The following NFIB variants were observed in gnomAD, a reference collection of about 807,000 sequenced individuals.
The protein encoded by NFIB is nuclear factor 1 B-type.
A neutral mutation model predicts 61.5 loss-of-function variants in NFIB; 11 were observed. The ratio of observed to expected loss-of-function variants is 0.18; its 90% CI spans 0.11 to 0.30. The LOEUF is 0.30. Among genes scored for constraint, NFIB ranks in the 10% least tolerant of loss-of-function variants. The pLI is 1.00. For synonymous variants in NFIB, 260 were observed against 216.5 expected (o/e 1.20, Z -1.76); for missense variants, 471 against 608.9 (o/e 0.77, Z 2.38).
chr9:14,476,179 T>C, the NFIB span, among the ~76,000 whole-genome samples: 2 of 152,154 alleles, frequency 1.3e-5, no homozygotes, highest in Admixed American at 6.5e-5. Context: ...GAAAAATATT[T>C]TTTTTTCTGA....
At chr9:14,511,053 T>G in the NFIB span, among the ~76,000 whole-genome samples, 1 of 152,198 alleles carries the variant, frequency 6.6e-6, no homozygotes, top group East Asian at 1.9e-4. Context: ...CTAAAAGATT[T>G]GCCAATTTTG....
chr9:14,454,997 A>G, the NFIB span, among the ~76,000 whole-genome samples: 34 of 152,232 alleles, frequency 2.2e-4, no homozygotes, highest in African/African-American at 7.5e-4. Flanking sequence ...TAGGTATGTA[A>G]TATGAGCAAA....
chr9:14,356,379 T>A (rs1160883121), intron 1 of NFIB, among the ~76,000 whole-genome samples: 1 of 152,112 alleles, frequency 6.6e-6, no homozygotes, highest in Non-Finnish European at 1.5e-5. Context: ...GATTTCACAA[T>A]AAGAATATCT....
chr9:14,317,482 G>C (rs1368211902), upstream of NFIB: 1 of 152,164 alleles, frequency 6.6e-6, no homozygotes, highest in East Asian at 1.9e-4. Context: ...ATGCTTGATA[G>C]TTTTTGGTTT....
At chr9:14,445,825 A>G in the NFIB span, among the ~76,000 whole-genome samples, 107 of 152,224 alleles carry the variant, frequency 7.0e-4, no homozygotes, top group Non-Finnish European at 1.1e-3. Flanking sequence ...TCATTTACAT[A>G]TTTGTCACTT....
chr9:14,211,568 C>G (rs1411274774), intron 2 of NFIB, among the ~76,000 whole-genome samples: 1 of 152,238 alleles, frequency 6.6e-6, no homozygotes, highest in African/African-American at 2.4e-5. Context: ...AGGCACGGAA[C>G]TGGACAAACT....
At chr9:14,530,231 T>C in the NFIB span, among the ~76,000 whole-genome samples, 1 of 152,200 alleles carries the variant, frequency 6.6e-6, no homozygotes, top group Non-Finnish European at 1.5e-5. Flanking sequence ...GCAAATCTTT[T>C]ACACAAACAT....
At chr9:14,110,373 T>C (rs2037182026) in intron 10 of NFIB, among the ~76,000 whole-genome samples, 1 of 152,064 alleles carries the variant, frequency 6.6e-6, no homozygotes, top group African/African-American at 2.4e-5. Flanking sequence ...CTGGTGACGA[T>C]ATTTATTCTT....
chr9:14,377,553 A>AT (rs1452523144), intron 1 of NFIB, among the ~76,000 whole-genome samples: 4 of 152,210 alleles, frequency 2.6e-5, no homozygotes, highest in African/African-American at 9.6e-5. Flanking sequence ...TACCCAGTAC[A>AT]TTAAAAGAAA....
chr9:14,286,451 A>C (rs1474903161), intron 2 of NFIB, among the ~76,000 whole-genome samples: 1 of 152,190 alleles, frequency 6.6e-6, no homozygotes, highest in Non-Finnish European at 1.5e-5. Flanking sequence ...ACACACTACA[A>C]AAATATTTTT....
At chr9:14,308,672 CA>C (rs2060140795) in intron 1 of NFIB, among the ~76,000 whole-genome samples, 1 of 151,626 alleles carries the variant, frequency 6.6e-6, no homozygotes, top group Non-Finnish European at 1.5e-5. Flanking sequence ...GATGAATTAT[CA>C]GTTAGAACTG....
At chr9:14,403,065 C>A (rs182811605), upstream of NFIB, among the ~76,000 whole-genome samples, 1 of 152,150 alleles carries the variant, frequency 6.6e-6, no homozygotes, top group African/African-American at 2.4e-5. Flanking sequence ...TCATTTTGGC[C>A]GACATGTACA....
chr9:14,511,836 TCC>T, the NFIB span, among the ~76,000 whole-genome samples: 1 of 152,212 alleles, frequency 6.6e-6, no homozygotes, highest in African/African-American at 2.4e-5. Flanking sequence ...AGAATATGTT[TCC>T]ATTTTTTCTT....
chr9:14,366,351 C>A (rs559397198), intron 1 of NFIB, among the ~76,000 whole-genome samples: 4 of 152,176 alleles, frequency 2.6e-5, no homozygotes, highest in Non-Finnish European at 5.9e-5. Context: ...GTTATTTTTG[C>A]GCCTATGAAG....
chr9:14,288,982 T>C (rs1309271606), intron 2 of NFIB, among the ~76,000 whole-genome samples: 1 of 151,584 alleles, frequency 6.6e-6, no homozygotes, highest in Non-Finnish European at 1.5e-5. Context: ...TGATGATACA[T>C]ACGGAATCAT....
the NFIB span, among the ~76,000 whole-genome samples, chr9:14,516,083 C>G: frequency 1.3e-5 from 2 of 152,232 alleles, no homozygotes; most frequent in African/African-American, 4.8e-5. Flanking sequence ...GAATTTAGCC[C>G]CACAGCAGCC....
intron 2 of NFIB, among the ~76,000 whole-genome samples, chr9:14,186,581 A>G (rs2131509605): frequency 6.6e-6 from 1 of 152,258 alleles, no homozygotes; most frequent in East Asian, 1.9e-4. Context: ...AAAAACATCT[A>G]TATTATTAAG....
At position 14,313,002 on chromosome 9, in the gene NFIB, G is replaced by A. The variant is rs535393602; in HGVS notation, c.30+480C>T. Reference sequence around the variant, plus strand: ...TCGTCGCCCGCCCACCGCCTGCAGCGCAGTCCAGCGGCGCCCACACAGACT... The same window carrying A: ...TCGTCGCCCGCCCACCGCCTGCAGCACAGTCCAGCGGCGCCCACACAGACT... On this transcript the variant is annotated intron_variant, in intron 1 of 10. Transcript: ENST00000380953. This position sits in a 1 kb window ranked among gnomAD's most constrained non-coding sequence, Gnocchi z 4.5. 1.2e-3 allele frequency among the ~76,000 whole-genome samples: 179 copies of A among 152,340 alleles called. No homozygotes were observed. Among genetic ancestry groups the A allele is most frequent in the African/African-American group, 4.2e-3 (175 of 41,586 alleles).
chr9:14,200,739 T>C (rs1587546922), intron 2 of NFIB, among the ~76,000 whole-genome samples: 1 of 152,138 alleles, frequency 6.6e-6, no homozygotes, highest in East Asian at 1.9e-4. Flanking sequence ...CCAAAGACGA[T>C]CCATCCAACT....
Sources: allele counts gnomAD v4.1 joint callset (sites outside exome capture counted in the v4.1 genomes callset), GRCh38; gene constraint gnomAD v4.1.1; non-coding constraint Gnocchi (gnomAD v3.1); transcripts MANE v1.5; gene names NCBI Gene and HGNC (gene_info 2026-07-23, HGNC 2026-07-21).